Variants in PTPRJ observed in about 807,000 individuals in gnomAD.
The protein encoded by PTPRJ is receptor-type tyrosine-protein phosphatase eta.
PTPRJ carries 129 observed loss-of-function variants against 141.3 expected under a neutral mutation model. The observed-to-expected ratio is 0.91, with a 90% CI of 0.79 to 1.06. The LOEUF (loss-of-function observed/expected upper bound fraction) is 1.06. PTPRJ is among the 50% of genes least tolerant of loss of function. The pLI is 0.00. For synonymous variants in PTPRJ, 610 were observed against 640.5 expected, an observed-to-expected ratio of 0.95 and a Z score of 0.72; for missense variants, 1,601 against 1,679.7, an observed-to-expected ratio of 0.95 and a Z score of 0.82.
intron 1 of PTPRJ, among the ~76,000 whole-genome samples, chr11:48,011,654 C>A (rs1854793585): frequency 6.6e-6 from 1 of 152,044 alleles, no homozygotes; most frequent in South Asian, 2.1e-4. Context: ...GTGTCTGGCA[C>A]CCTTTTTTCT....
intron 1 of PTPRJ, among the ~76,000 whole-genome samples, chr11:48,018,942 G>A (rs1183752042): frequency 6.6e-6 from 1 of 152,192 alleles, no homozygotes; most frequent in African/African-American, 2.4e-5. Context: ...GGCTGGTGGG[G>A]AGGGGGGCAG....
At chr11:48,064,750 C>T (rs1210405025) in intron 1 of PTPRJ, among the ~76,000 whole-genome samples, 3 of 149,288 alleles carry the variant, frequency 2.0e-5, no homozygotes, top group Admixed American at 2.0e-4. Context: ...ATTACAGGCG[C>T]CCACCACGGG....
rs1857364948 is a variant in PTPRJ, at chr11:48,146,970, T to C, written c.2999+7T>C. 4 of 1,606,258 alleles carry C rather than the reference T, an allele frequency of 2.5e-6. No individual in the cohort carries two copies. Among genetic ancestry groups the C allele is most frequent in the South Asian group, 1.1e-5 (1 of 90,918 alleles). ...TCTTCTGGAGAAAGAAGAGGTGATATTGCTTATGCTAATAATAATACTCTG... is the reference window on the plus strand; with the variant it reads ...TCTTCTGGAGAAAGAAGAGGTGATACTGCTTATGCTAATAATAATACTCTG... On this transcript the variant is annotated splice_region_variant and intron_variant, in intron 15 of 24. Coordinates refer to ENST00000418331, the MANE Select transcript of PTPRJ (RefSeq NM_002843.4).
At chr11:48,142,344 T>C (rs1443329064) in intron 11 of PTPRJ, among the ~76,000 whole-genome samples, 1 of 152,228 alleles carries the variant, frequency 6.6e-6, no homozygotes, top group Non-Finnish European at 1.5e-5. Context: ...GATTGTTCCA[T>C]GTGAACTTTA....
chr11:48,135,719 T>A (rs1857086021), intron 8 of PTPRJ, among the ~76,000 whole-genome samples: 1 of 152,126 alleles, frequency 6.6e-6, no homozygotes, highest in Non-Finnish European at 1.5e-5. Flanking sequence ...TGACCTCAAG[T>A]GATCCATCTC....
intron 1 of PTPRJ, among the ~76,000 whole-genome samples, chr11:48,105,643 G>A (rs531580045): frequency 1.3e-5 from 2 of 152,290 alleles, no homozygotes; most frequent in East Asian, 3.9e-4. Context: ...ATGAGTGACA[G>A]TGGAAGTTGA....
At chr11:48,002,345 C>T (rs1351279189) in intron 1 of PTPRJ, among the ~76,000 whole-genome samples, 1 of 151,900 alleles carries the variant, frequency 6.6e-6, no homozygotes, top group Non-Finnish European at 1.5e-5. Context: ...ACCATGTTGG[C>T]CAGGATGGTC....
At chr11:48,096,088 C>CTT (rs1440579346) in intron 1 of PTPRJ, among the ~76,000 whole-genome samples, 3 of 152,212 alleles carry the variant, frequency 2.0e-5, no homozygotes. Flanking sequence ...AAATTGCTGA[C>CTT]TTACTCAGTT....
Position 48,158,948 on chromosome 11 carries a change from TCAAA to T in PTPRJ, c.3439-975_3439-972del, listed in dbSNP as rs755863270. ...GCTTGTATGACAGAGTGAGACTGTC[TCAAA>T]CAAACACACAAACAAAAAACAGAAA... On this transcript the variant is annotated intron_variant, in intron 21 of 24. Transcript: ENST00000418331. The surrounding 1 kb of genome is among the most constrained non-coding windows in gnomAD (Gnocchi z 4.4). 6.6e-6 allele frequency among the ~76,000 whole-genome samples: 1 copy of T among 152,046 alleles called. No homozygotes were observed. The highest frequency in any genetic ancestry group is 1.5e-5 in the Non-Finnish European group (1 of 68,006).
chr11:48,139,272 A>T (rs1857175912), intron 10 of PTPRJ, among the ~76,000 whole-genome samples: 1 of 151,844 alleles, frequency 6.6e-6, no homozygotes, highest in Non-Finnish European at 1.5e-5. Context: ...TGTTCAATTT[A>T]CTCTTCAAAG....
intron 1 of PTPRJ, among the ~76,000 whole-genome samples, chr11:48,015,199 C>A (rs539030132): frequency 6.6e-6 from 1 of 151,900 alleles, no homozygotes; most frequent in African/African-American, 2.4e-5. Flanking sequence ...TCACTGTGTC[C>A]GTTTATGAAG....
intron 5 of PTPRJ, among the ~76,000 whole-genome samples, chr11:48,124,724 A>C (rs1405768190): frequency 1.3e-5 from 2 of 152,250 alleles, no homozygotes; most frequent in African/African-American, 2.4e-5. Context: ...AAATAAGCAG[A>C]GTTTGAAAGA....
chr11:48,094,654 A>C (rs762876443), intron 1 of PTPRJ, among the ~76,000 whole-genome samples: 1 of 152,144 alleles, frequency 6.6e-6, no homozygotes, highest in Non-Finnish European at 1.5e-5. Context: ...GATGTGTCAA[A>C]TTGGAGATTT....
intron 1 of PTPRJ, among the ~76,000 whole-genome samples, chr11:48,030,381 T>C (rs1161607849): frequency 1.3e-5 from 2 of 152,234 alleles, no homozygotes; most frequent in African/African-American, 4.8e-5. Flanking sequence ...TTCTACCTGC[T>C]TACACATGGC....
At chr11:48,166,368 C>T (rs937016078) in intron 24 of PTPRJ, among the ~76,000 whole-genome samples, 1 of 151,708 alleles carries the variant, frequency 6.6e-6, no homozygotes, top group African/African-American at 2.4e-5. Context: ...GGCTGGAGTG[C>T]AGTGGTGCCA....
intron 1 of PTPRJ, among the ~76,000 whole-genome samples, chr11:47,987,460 G>T (rs992496948): frequency 2.0e-5 from 3 of 152,220 alleles, no homozygotes; most frequent in Non-Finnish European, 2.9e-5. Flanking sequence ...AGCAGAGGCC[G>T]TGGTGGGGAA....
At chr11:48,038,345 G>A (rs1378726589) in intron 1 of PTPRJ, among the ~76,000 whole-genome samples, 1 of 152,130 alleles carries the variant, frequency 6.6e-6, no homozygotes, top group African/African-American at 2.4e-5. Context: ...GCTGATCTCG[G>A]GTTACTGCAT....
chr11:48,056,408 T>G (rs780492897), intron 1 of PTPRJ, among the ~76,000 whole-genome samples: 2 of 152,162 alleles, frequency 1.3e-5, no homozygotes, highest in Non-Finnish European at 2.9e-5. Flanking sequence ...CAGATTGTTG[T>G]AAGGTTTCAG....
Position 48,159,982 on chromosome 11 carries a change from T to C in PTPRJ, c.3491T>C (p.Ile1164Thr). Reference sequence around the variant, plus strand: ...AAGCAGGCTCAGGACTATGGAGACATAACTGTGGCAATGACATCAGAAATT... The same window carrying C: ...AAGCAGGCTCAGGACTATGGAGACACAACTGTGGCAATGACATCAGAAATT... ...PSKQAQDYGD[I>T]TVAMTSEIVL... The change falls in exon 22 of 25, where the codon ATA becomes ACA. Residue 1164 changes from isoleucine to threonine, a missense_variant. Ile to Thr is a moderately conservative substitution (Grantham distance 89, BLOSUM62 -1). Transcript: ENST00000418331. 1 of 1,613,940 alleles carries C rather than the reference T, an allele frequency of 6.2e-7. No individual in the cohort carries two copies. The highest frequency in any genetic ancestry group is 2.2e-5 in the East Asian group (1 of 44,878).
Sources: gnomAD v4.1 joint callset for allele counts (sites outside exome capture counted in the v4.1 genomes callset) on GRCh38, gnomAD v4.1.1 for gene constraint, Gnocchi (gnomAD v3.1) non-coding constraint, MANE v1.5 for transcripts, NCBI Gene and HGNC (gene_info 2026-07-23, HGNC 2026-07-21) for gene names.